TMEM132D: variants seen among roughly 807,000 people sequenced by gnomAD.
The protein encoded by TMEM132D is transmembrane protein 132D.
Under a neutral mutation model 62.3 loss-of-function variants are expected in TMEM132D, and 21 were observed. The observed-to-expected ratio is 0.34, with a 90% CI of 0.24 to 0.49. TMEM132D has a LOEUF of 0.49. Among genes scored for constraint, TMEM132D ranks in the 20% least tolerant of loss-of-function variants. The pLI is 0.99. For missense variants in TMEM132D, 1,346 were observed against 1,402.8 expected (o/e 0.96, Z 0.65); for synonymous variants, 621 against 575.6 (o/e 1.08, Z -1.13).
chr12:129,199,880 G>A (rs1466844359), intron 5 of TMEM132D, among the ~76,000 whole-genome samples: 1 of 152,124 alleles, frequency 6.6e-6, no homozygotes, highest in Non-Finnish European at 1.5e-5. Context: ...TGGGGATTAT[G>A]GGAGCAACAA....
chr12:129,533,561 T>C (rs1471713), intron 2 of TMEM132D, among the ~76,000 whole-genome samples: 28,925 of 152,204 alleles, frequency 0.19, 3,234 homozygotes, highest in Non-Finnish European at 0.25. Context: ...TTCTGATATA[T>C]AATGGGCTTA....
intron 1 of TMEM132D, among the ~76,000 whole-genome samples, chr12:129,721,561 G>C (rs570427324): frequency 6.6e-6 from 1 of 152,248 alleles, no homozygotes; most frequent in African/African-American, 2.4e-5. Flanking sequence ...TGGCGCTCTA[G>C]GTGAGCAGCC....
chr12:129,425,070 A>T (rs1274796622), intron 3 of TMEM132D, among the ~76,000 whole-genome samples: 3 of 152,192 alleles, frequency 2.0e-5, no homozygotes, highest in African/African-American at 7.2e-5. Context: ...GTTTGAGGTC[A>T]CCCATGTCAA....
At chr12:129,261,472 G>A (rs1880548399) in intron 4 of TMEM132D, among the ~76,000 whole-genome samples, 1 of 152,166 alleles carries the variant, frequency 6.6e-6, no homozygotes, top group African/African-American at 2.4e-5. Context: ...CGCCATGATT[G>A]TGAGGCCTCC....
At chr12:129,099,720 G>A (rs1342827200) in intron 5 of TMEM132D, among the ~76,000 whole-genome samples, 1 of 152,274 alleles carries the variant, frequency 6.6e-6, no homozygotes. Flanking sequence ...CTTCTTCCAT[G>A]TTCAGTCCCA....
In TMEM132D at chr12:129,827,483, TTTTGCAACTTTTTAACTA is replaced by T. The variant is rs146379085; in HGVS notation, c.79+75760_79+75777del. Among the ~76,000 whole-genome samples, 976 of 152,288 alleles carry T rather than the reference TTTTGCAACTTTTTAACTA, an allele frequency of 6.4e-3. 20 individuals are homozygous for T. The highest frequency in any genetic ancestry group is 0.022 in the East Asian group (115 of 5,188). On this transcript the variant is annotated intron_variant, in intron 1 of 8. Coordinates refer to ENST00000422113, the MANE Select transcript of TMEM132D (RefSeq NM_133448.3). This position sits in a 1 kb window ranked among gnomAD's most constrained non-coding sequence, Gnocchi z 9.7. ...AGAATTTGCAAAATACTAATGGGTA[TTTTGCAACTTTTTAACTA>T]TTTTACTTCTATGGCTGATTAGACT...
At chr12:129,167,711 G>A (rs1242206793) in intron 5 of TMEM132D, among the ~76,000 whole-genome samples, 1 of 151,850 alleles carries the variant, frequency 6.6e-6, no homozygotes, top group Non-Finnish European at 1.5e-5. Context: ...TAGATCTAGA[G>A]TATGTACATC....
intron 3 of TMEM132D, among the ~76,000 whole-genome samples, chr12:129,482,418 T>C (rs1374291820): frequency 6.6e-6 from 1 of 152,208 alleles, no homozygotes; most frequent in East Asian, 1.9e-4. Flanking sequence ...TATTGCAGCA[T>C]CATATACAAC....
At chr12:129,182,847 A>C (rs1159183584) in intron 5 of TMEM132D, among the ~76,000 whole-genome samples, 2 of 152,178 alleles carry the variant, frequency 1.3e-5, no homozygotes, top group Non-Finnish European at 2.9e-5. Context: ...CGGCTAAAAC[A>C]ACCACCACTG....
At chr12:129,161,032 C>T (rs771458673) in intron 5 of TMEM132D, among the ~76,000 whole-genome samples, 24 of 152,194 alleles carry the variant, frequency 1.6e-4, no homozygotes, top group Non-Finnish European at 2.6e-4. Flanking sequence ...GCATACTATG[C>T]GCTAAAAATG....
intron 4 of TMEM132D, among the ~76,000 whole-genome samples, chr12:129,280,327 C>G (rs575766859): frequency 6.6e-6 from 1 of 152,130 alleles, no homozygotes; most frequent in Non-Finnish European, 1.5e-5. Context: ...AGATTCTGAT[C>G]TATAAAACAT....
At chr12:129,895,955 CTG>C (rs372244637) in intron 1 of TMEM132D, among the ~76,000 whole-genome samples, 4,254 of 41,528 alleles carry the variant, frequency 0.1, 111 homozygotes, top group East Asian at 0.13. Context: ...TTTGATTTCT[CTG>C]TCTCTCTTTT....
rs1407426235 is a variant in TMEM132D at position 129,282,399 on chromosome 12, GACAGATTC to G, written c.1299+55227_1299+55234del. ...ATATCTGCATGAAAGTGAGGTTGGG[GACAGATTC>G]AGAGTTTCCTGCAGCTCCCAATGGC... On this transcript the variant is annotated intron_variant, in intron 4 of 8. Transcript: ENST00000422113. Among the ~76,000 whole-genome samples the G allele has an allele frequency of 5.3e-5, 8 of 152,262 alleles. No individual in the cohort carries two copies. In the East Asian group the frequency reaches 1.6e-3, roughly 30 times the overall value.
intron 5 of TMEM132D, among the ~76,000 whole-genome samples, chr12:129,093,800 G>C (rs1875009400): frequency 6.6e-6 from 1 of 152,140 alleles, no homozygotes; most frequent in African/African-American, 2.4e-5. Context: ...CAAGGCTACA[G>C]TAACCAAAAC....
chr12:129,527,645 T>G (rs1462747011), intron 3 of TMEM132D, among the ~76,000 whole-genome samples: 1 of 152,196 alleles, frequency 6.6e-6, no homozygotes. Context: ...CACTTGTCTA[T>G]GGAGAGAACT....
intron 5 of TMEM132D, among the ~76,000 whole-genome samples, chr12:129,182,149 G>A (rs2135551573): frequency 6.6e-6 from 1 of 152,240 alleles, no homozygotes; most frequent in East Asian, 1.9e-4. Context: ...ATCACCTGGG[G>A]TCAGGAGTTC....
At chr12:129,078,488 T>G (rs1297028883) in intron 8 of TMEM132D, 46 bp downstream of exon 8, 1 of 1,580,126 alleles carries the variant, frequency 6.3e-7, no homozygotes, top group Non-Finnish European at 8.6e-7. Flanking sequence ...TGTGATCCAC[T>G]TGGTGAGGGA....
intron 8 of TMEM132D, among the ~76,000 whole-genome samples, chr12:129,077,721 CAAAT>C (rs749574832): frequency 3.0e-4 from 46 of 151,304 alleles, no homozygotes; most frequent in Admixed American, 5.2e-4. Flanking sequence ...ATACAAACAA[CAAAT>C]AGACACATGC....
intron 4 of TMEM132D, among the ~76,000 whole-genome samples, chr12:129,225,275 G>C (rs1164345826): frequency 6.6e-6 from 1 of 152,222 alleles, no homozygotes; most frequent in Non-Finnish European, 1.5e-5. Flanking sequence ...CATCCACGCT[G>C]CCTGACTTTA....
Sources: gnomAD v4.1 joint callset for allele counts (sites outside exome capture counted in the v4.1 genomes callset) on GRCh38, gnomAD v4.1.1 for gene constraint, Gnocchi (gnomAD v3.1) non-coding constraint, MANE v1.5 for transcripts, NCBI Gene and HGNC (gene_info 2026-07-23, HGNC 2026-07-21) for gene names.